Variants in CAGE1 observed in about 807,000 individuals in gnomAD.
The protein encoded by CAGE1 is cancer antigen 1.
CAGE1 carries 66 observed loss-of-function variants against 94.9 expected under a neutral mutation model. The ratio of observed to expected loss-of-function variants is 0.70; its 90% CI spans 0.57 to 0.85. The LOEUF (loss-of-function observed/expected upper bound fraction) is 0.85. Ranked by LOEUF, CAGE1 falls within the 40% of genes least tolerant of loss-of-function variation. CAGE1 has a pLI of 0.00. For missense variants in CAGE1, 865 were observed against 950.4 expected (o/e 0.91, Z 1.18); for synonymous variants, 319 against 321.0 (o/e 0.99, Z 0.07).
At chr6:7,333,630 CTATCTAACTATCTATATATATA>C (rs1219504520) in intron 12 of CAGE1, among the ~76,000 whole-genome samples, 14 of 64,488 alleles carry the variant, frequency 2.2e-4, no homozygotes, top group African/African-American at 1.2e-3. Context: ...ATCTAACTAT[CTATCTAACTATCTATATATATA>C]TATATATATA....
chr6:7,342,121 A>C (rs1759201282), intron 11 of CAGE1: 1 of 996,596 alleles, frequency 1.0e-6, no homozygotes, highest in South Asian at 1.3e-5. Flanking sequence ...ACGGCTGATG[A>C]AGGCAGCTTC....
chr6:7,384,480 T>G, intron 3 of CAGE1, among the ~76,000 whole-genome samples: 1 of 152,066 alleles, frequency 6.6e-6, no homozygotes, highest in Admixed American at 6.5e-5. Flanking sequence ...ACATGATCAG[T>G]GTAGGGCCCG....
chr6:7,383,069 T>C (rs528453952), intron 3 of CAGE1, among the ~76,000 whole-genome samples: 26 of 139,452 alleles, frequency 1.9e-4, no homozygotes, highest in Non-Finnish European at 1.4e-4. Context: ...GTTTTCCCCA[T>C]GCTGTTCTTG....
rs1760198298 is a variant in CAGE1 at position 7,362,542 on chromosome 6, T to C, written c.2193+2926A>G. Among the ~76,000 whole-genome samples the C allele has an allele frequency of 6.6e-6, 1 of 152,136 alleles. No homozygotes were observed. Among genetic ancestry groups the C allele is most frequent in the Non-Finnish European group, 1.5e-5 (1 of 68,024 alleles). On this transcript the variant is annotated intron_variant, in intron 9 of 13. Coordinates refer to ENST00000502583, the MANE Select transcript of CAGE1 (RefSeq NM_001170692.2). The surrounding 1 kb of genome is among the most constrained non-coding windows in gnomAD (Gnocchi z 4.1). ...AGGATGGAGGAGGCCAGGCTGTGAATGGAGCAGATGGCAGGGTCAGAACTG... is the reference window on the plus strand; with the variant it reads ...AGGATGGAGGAGGCCAGGCTGTGAACGGAGCAGATGGCAGGGTCAGAACTG...
At chr6:7,380,385 C>T (rs1183757124) in intron 3 of CAGE1, among the ~76,000 whole-genome samples, 1 of 152,132 alleles carries the variant, frequency 6.6e-6, no homozygotes, top group Non-Finnish European at 1.5e-5. Flanking sequence ...GCCTGTAATC[C>T]TAGCACTTTG....
In CAGE1 at chr6:7,373,762, C is replaced by T. The variant is rs1251697881; in HGVS notation, c.1057G>A (p.Val353Ile). 4 of 1,613,546 alleles carry T rather than the reference C, an allele frequency of 2.5e-6. No homozygotes were observed. Among genetic ancestry groups the T allele is most frequent in the Non-Finnish European group, 3.4e-6 (4 of 1,179,696 alleles). ...ACATTCTCCTTTAGCTTATTGATGACATCAATGAACACTTGCTGTTTGGTA... is the reference window on the plus strand; with the variant it reads ...ACATTCTCCTTTAGCTTATTGATGATATCAATGAACACTTGCTGTTTGGTA... ...KITKQQVFIDVINKLKENVEE... is the reference protein window; with the variant it reads ...KITKQQVFIDIINKLKENVEE... The change falls in exon 5 of 14, where the codon GTC becomes ATC. Residue 353 changes from valine to isoleucine, a missense_variant. Coordinates refer to ENST00000502583, the MANE Select transcript of CAGE1 (RefSeq NM_001170692.2).
At chr6:7,386,825 G>A (rs1761137662) in intron 2 of CAGE1, among the ~76,000 whole-genome samples, 154 bp downstream of exon 2, 1 of 152,158 alleles carries the variant, frequency 6.6e-6, no homozygotes, top group South Asian at 2.1e-4. Flanking sequence ...TTACGCTAGC[G>A]AAACTGGGAA....
chr6:7,358,260 G>T (rs1760049097), intron 9 of CAGE1, among the ~76,000 whole-genome samples: 1 of 151,350 alleles, frequency 6.6e-6, no homozygotes, highest in African/African-American at 2.4e-5. Flanking sequence ...GTATATTCTA[G>T]AATGTTATAT....
At chr6:7,344,842 A>C (rs1281527921) in intron 11 of CAGE1, among the ~76,000 whole-genome samples, 1 of 152,188 alleles carries the variant, frequency 6.6e-6, no homozygotes, top group Non-Finnish European at 1.5e-5. Flanking sequence ...GTATCTAGCT[A>C]TTCTGGTGGG....
At chr6:7,344,643 CG>C (rs1759356387) in intron 11 of CAGE1, among the ~76,000 whole-genome samples, 1 of 152,210 alleles carries the variant, frequency 6.6e-6, no homozygotes, top group Non-Finnish European at 1.5e-5. Flanking sequence ...CCTGCAGCCC[CG>C]GTGCCGGATC....
At chr6:7,331,509 A>G (rs1758753357) in intron 12 of CAGE1, 2 of 411,794 alleles carry the variant, frequency 4.9e-6, no homozygotes, top group Non-Finnish European at 9.2e-6. Context: ...ACCAGTCTCA[A>G]TGTCTCTGCT....
chr6:7,379,061 C>T (rs756204853), intron 3 of CAGE1, 41 bp from the exon 4 acceptor site: 1 of 1,290,450 alleles, frequency 7.7e-7, no homozygotes, highest in Non-Finnish European at 1.0e-6. Context: ...ACGAGTAGAC[C>T]ATGAACTTGG....
chr6:7,378,960 A>G lies in CAGE1; in HGVS notation c.344T>C (p.Ile115Thr). 1 of 1,576,442 alleles carries G rather than the reference A, an allele frequency of 6.3e-7. No individual in the cohort carries two copies. Among genetic ancestry groups the G allele is most frequent in the South Asian group, 1.2e-5 (1 of 86,602 alleles). The part of the protein sequence containing the change: ...ALIQPVDTIS[I>T]SSLRQFETVC... ...GGTTTCAAATTGTCTCAAGGAAGATATGCTGATGGTGTCAACTGGCTGAAT... is the reference window on the plus strand; with the variant it reads ...GGTTTCAAATTGTCTCAAGGAAGATGTGCTGATGGTGTCAACTGGCTGAAT... The change falls in exon 4 of 14, where the codon ATA (isoleucine) becomes ACA (threonine). Residue 115 changes from isoleucine (I) to threonine (T), a missense_variant. Coordinates refer to ENST00000502583, the MANE Select transcript of CAGE1 (RefSeq NM_001170692.2).
intron 7 of CAGE1, among the ~76,000 whole-genome samples, chr6:7,366,269 A>G (rs975027404): frequency 2.0e-4 from 30 of 151,554 alleles, no homozygotes; most frequent in African/African-American, 6.6e-4. Context: ...AAAAAATCAA[A>G]CCATGCAGTC....
intron 1 of CAGE1, among the ~76,000 whole-genome samples, chr6:7,387,412 A>T (rs1761157309): frequency 6.6e-6 from 1 of 152,218 alleles, no homozygotes; most frequent in Non-Finnish European, 1.5e-5. Context: ...GCTACTATCC[A>T]ATAACTCCCT....
In CAGE1 at chr6:7,387,053, G is replaced by C. The variant is rs1359856931; in HGVS notation, c.121C>G (p.Leu41Val). The change falls in exon 2 of 14, where the codon CTT (leucine) becomes GTT (valine). Residue 41 changes from leucine (L) to valine (V), a missense_variant. By Grantham distance (32) the Leu-to-Val change is conservative. Coordinates refer to ENST00000502583, the MANE Select transcript of CAGE1 (RefSeq NM_001170692.2). Reference sequence around the variant, plus strand: ...TGTGAAAGCATTACACCTTGAGAAAGATTGCTGACATTCATGGTATCCGAT... The same window carrying C: ...TGTGAAAGCATTACACCTTGAGAAACATTGCTGACATTCATGGTATCCGAT... ...SESDTMNVSN[L>V]SQGVMLSHSP... The C allele has an allele frequency of 6.4e-7, 1 of 1,551,888 alleles. No individual in the cohort carries two copies. Among genetic ancestry groups the C allele is most frequent in the Non-Finnish European group, 8.7e-7 (1 of 1,146,960 alleles).
At chr6:7,386,148 C>T (rs1026683460) in intron 2 of CAGE1, among the ~76,000 whole-genome samples, 1 of 152,028 alleles carries the variant, frequency 6.6e-6, no homozygotes, top group Non-Finnish European at 1.5e-5. Flanking sequence ...CTTAGGGATA[C>T]GTGATAGCAT....
At chr6:7,328,873 AGTGTGTGTGT>A (rs545926619) in intron 13 of CAGE1, among the ~76,000 whole-genome samples, 5,886 of 105,304 alleles carry the variant, frequency 0.056, 276 homozygotes, top group African/African-American at 0.12. Flanking sequence ...GTATCTTATA[AGTGTGTGTGT>A]GTGTGTGTGT....
At position 7,380,374 on chromosome 6, in the gene CAGE1, C is replaced by T. The variant is rs371683941; in HGVS notation, c.284-1354G>A. Reference sequence around the variant, plus strand: ...TAAAAGTCTTGGACGCAGTGGTTTACGCCTGTAATCCTAGCACTTTGGGAG... The same window carrying T: ...TAAAAGTCTTGGACGCAGTGGTTTATGCCTGTAATCCTAGCACTTTGGGAG... On this transcript the variant is annotated intron_variant, in intron 3 of 13. Coordinates refer to ENST00000502583, the MANE Select transcript of CAGE1 (RefSeq NM_001170692.2). Among the ~76,000 whole-genome samples the T allele has an allele frequency of 1.9e-4, 29 of 152,302 alleles. 1 individual carries two copies. Among genetic ancestry groups the T allele is most frequent in the Admixed American group, 9.8e-4 (15 of 15,282 alleles).
Sources: gnomAD v4.1 joint callset for allele counts (sites outside exome capture counted in the v4.1 genomes callset) on GRCh38, gnomAD v4.1.1 for gene constraint, Gnocchi (gnomAD v3.1) non-coding constraint, MANE v1.5 for transcripts, NCBI Gene and HGNC (gene_info 2026-07-23, HGNC 2026-07-21) for gene names.